Variants in UCHL5 observed in about 807,000 individuals in gnomAD.
UCHL5 encodes ubiquitin C-terminal hydrolase L5, also known as ubiquitin carboxyl-terminal hydrolase isozyme L5.
Under a neutral mutation model 53.8 loss-of-function variants are expected in UCHL5, and 34 were observed. The observed-to-expected ratio is 0.63, with a 90% confidence interval of 0.48 to 0.84. The LOEUF is 0.84. Ranked by LOEUF, UCHL5 falls within the 40% of genes least tolerant of loss-of-function variation. The pLI, the probability that UCHL5 is intolerant of heterozygous loss-of-function variation, is 0.00. For missense variants in UCHL5, 290 were observed against 385.6 expected (o/e 0.75, Z 2.08); for synonymous variants, 111 against 126.3 (o/e 0.88, Z 0.81).
In UCHL5 at chr1:193,028,102, T is replaced by C. The variant is rs1660017614; in HGVS notation, c.612A>G (p.Ile204Met). 4 of 1,608,236 alleles carry C rather than the reference T, an allele frequency of 2.5e-6. No homozygotes were observed. Among genetic ancestry groups the C allele is most frequent in the South Asian group, 1.1e-5 (1 of 89,308 alleles). Residue 204 changes from isoleucine (I) to methionine (M), a missense_variant, in exon 7 of 11, where the codon ATA becomes ATG. Coordinates refer to ENST00000367454, the MANE Select transcript of UCHL5 (RefSeq NM_001199261.3). ...GCATTTACTTTTGTATCCTTTTTTC[T>C]ATGACAGGCCTTACTGCACTGATCC... ...DDWISAVRPV[I>M]EKRIQKYSEG... is the part of the protein sequence containing the mutation.
At chr1:193,028,813 T>C (rs780120476) in intron 6 of UCHL5, among the ~76,000 whole-genome samples, 6 of 152,196 alleles carry the variant, frequency 3.9e-5, no homozygotes, top group Non-Finnish European at 8.8e-5. Flanking sequence ...GAAAATACTT[T>C]AATACGGATG....
At chr1:193,020,799 A>G (rs914989737) in intron 10 of UCHL5, among the ~76,000 whole-genome samples, 3 of 151,942 alleles carry the variant, frequency 2.0e-5, no homozygotes, top group Non-Finnish European at 2.9e-5. Context: ...AATTATCAGC[A>G]TTAAAAATCT....
chr1:193,031,089 C>T (rs1326197467), intron 3 of UCHL5, among the ~76,000 whole-genome samples: 3 of 152,000 alleles, frequency 2.0e-5, no homozygotes, highest in Non-Finnish European at 4.4e-5. Flanking sequence ...TATTTTGATC[C>T]GAATCACAGT....
intron 1 of UCHL5, among the ~76,000 whole-genome samples, chr1:193,053,081 C>G (rs1439894820): frequency 6.6e-6 from 1 of 152,148 alleles, no homozygotes; most frequent in Non-Finnish European, 1.5e-5. Context: ...ATTAAAGATA[C>G]ATGTACAAAG....
At chr1:193,026,613 C>T (rs1388759751) in intron 7 of UCHL5, among the ~76,000 whole-genome samples, 3 of 151,382 alleles carry the variant, frequency 2.0e-5, no homozygotes, top group African/African-American at 7.3e-5. Flanking sequence ...AAAAAGGATG[C>T]AGAGGAACTA....
chr1:193,013,828 A>G lies in UCHL5; in HGVS notation c.*2523T>C, dbSNP rs995001894. ...GGGGGAGCAAGTCCCCGTGGTTGTGATTCCCGAGCAAATATTTGTCTGTTT... is the reference window on the plus strand; with the variant it reads ...GGGGGAGCAAGTCCCCGTGGTTGTGGTTCCCGAGCAAATATTTGTCTGTTT... On this transcript the variant is annotated 3_prime_UTR_variant, in exon 11 of 11. Coordinates refer to ENST00000367454, the MANE Select transcript of UCHL5 (RefSeq NM_001199261.3). The G allele has an allele frequency of 2.6e-5, 4 of 152,144 alleles. No homozygotes were observed. Among genetic ancestry groups the G allele is most frequent in the Admixed American group, 2.6e-4 (4 of 15,266 alleles). 9.4% of individuals were successfully genotyped at this position (152,144 alleles called of 1,614,324 possible). A position where few individuals can be genotyped will look rare whatever the true frequency, so the allele number is the denominator to read the frequency against.
In UCHL5 at chr1:193,024,148, G is replaced by A. The variant is rs149924193; in HGVS notation, c.630-202C>T. ...CCAGCTACTTGGGAGGCTCAGGAGC[G>A]GAGAGGATCCTTTGAGTTTAGAAGC... is the stretch of plus-strand genomic sequence containing the variant. On this transcript the variant is annotated intron_variant, in intron 7 of 10. Coordinates refer to ENST00000367454, the MANE Select transcript of UCHL5 (RefSeq NM_001199261.3). Among the ~76,000 whole-genome samples, 48 of 151,988 alleles carry A rather than the reference G, an allele frequency of 3.2e-4. 1 individual carries two copies. The East Asian group carries it at 8.1e-3, about 26-fold the overall frequency.
intron 10 of UCHL5, among the ~76,000 whole-genome samples, 161 bp from the exon 11 acceptor site, chr1:193,016,556 A>C (rs918706836): frequency 6.6e-6 from 1 of 152,000 alleles, no homozygotes; most frequent in East Asian, 1.9e-4. Context: ...ACTTATAACA[A>C]ACTTTTCCTG....
rs1218681454 is a variant in UCHL5, at chr1:193,028,095, T to G, written c.619A>C (p.Arg207=). The G allele has an allele frequency of 6.2e-7, 1 of 1,604,630 alleles. No homozygotes were observed. Among genetic ancestry groups the G allele is most frequent in the South Asian group, 1.1e-5 (1 of 88,502 alleles). Residue 207 remains arginine (R), a synonymous_variant, in exon 7 of 11, where the codon AGG becomes CGG. Coordinates refer to ENST00000367454, the MANE Select transcript of UCHL5 (RefSeq NM_001199261.3). ...ISAVRPVIEK[R]IQKYSEGEIR... ...TAGCTGAGCATTTACTTTTGTATCCTTTTTTCTATGACAGGCCTTACTGCA... is the reference window on the plus strand; with the variant it reads ...TAGCTGAGCATTTACTTTTGTATCCGTTTTTCTATGACAGGCCTTACTGCA...
At chr1:193,021,075 T>C in intron 10 of UCHL5, 22 bp downstream of exon 10, 2 of 1,499,388 alleles carry the variant, frequency 1.3e-6, no homozygotes, top group Non-Finnish European at 9.2e-7. Flanking sequence ...TTAATTTAAG[T>C]ATCTACCAAT....
At chr1:193,028,186 A>G (rs749090356) in intron 6 of UCHL5, 38 bp from the exon 7 acceptor site, 2 of 1,516,248 alleles carry the variant, frequency 1.3e-6, no homozygotes, top group Non-Finnish European at 8.8e-7. Flanking sequence ...ACAAATAAAA[A>G]TAAGAACAAT....
rs111593254 is a variant in UCHL5 at position 193,041,325 on chromosome 1, T to G, written c.246+8421A>C. Among the ~76,000 whole-genome samples the G allele has an allele frequency of 2.6e-5, 4 of 152,114 alleles. 1 individual carries two copies. Among genetic ancestry groups the G allele is most frequent in the African/African-American group, 9.6e-5 (4 of 41,504 alleles). On this transcript the variant is annotated intron_variant, in intron 3 of 10. Transcript: ENST00000367454. ...TAATTAACCCCATTGAAAAATAACA[T>G]AAACAAGAATTTCACAGAGGAAATA...
At chr1:193,059,613 C>T (rs752204405), upstream of UCHL5, 1 of 1,430,814 alleles carries the variant, frequency 7.0e-7, no homozygotes, top group Non-Finnish European at 9.4e-7. The surrounding 1 kb of genome is among the most constrained non-coding windows in gnomAD (Gnocchi z 4.9). Flanking sequence ...AGGGGCAGGA[C>T]TCGTTCCCGG....
chr1:193,041,443 C>T, intron 3 of UCHL5, among the ~76,000 whole-genome samples: 1 of 152,076 alleles, frequency 6.6e-6, no homozygotes, highest in East Asian at 1.9e-4. Flanking sequence ...ATTTTGGAAC[C>T]AATTAGCTGA....
chr1:193,030,953 C>T (rs1396555824), intron 3 of UCHL5, among the ~76,000 whole-genome samples: 2 of 152,114 alleles, frequency 1.3e-5, no homozygotes, highest in African/African-American at 4.8e-5. Context: ...TATAACATCA[C>T]CATGCTTCTA....
Position 193,013,447 on chromosome 1 carries a change from T to C in UCHL5, c.*2904A>G, listed in dbSNP as rs767850167. 1.3e-5 allele frequency: 2 copies of C among 152,150 alleles called. No individual in the cohort carries two copies. Among genetic ancestry groups the C allele is most frequent in the Non-Finnish European group, 2.9e-5 (2 of 68,026 alleles). The allele number at this position is 152,150 out of a possible 1,614,324, so 9.4% of individuals were successfully genotyped here. A position where few individuals can be genotyped will look rare whatever the true frequency, so the allele number is the denominator to read the frequency against. On this transcript the variant is annotated 3_prime_UTR_variant, in exon 11 of 11. Transcript: ENST00000367454. ...AAGTTTAAAAATAATATAAACTTCA[T>C]AGAACTATTTCAGACTATGGGGAGG...
rs1365718961 is a variant in UCHL5, at chr1:193,051,739, T to A, written c.140+15A>T. The A allele has an allele frequency of 2.6e-6, 4 of 1,517,180 alleles. No homozygotes were observed. Among genetic ancestry groups the A allele is most frequent in the Non-Finnish European group, 3.6e-6 (4 of 1,107,564 alleles). 94.0% of individuals were successfully genotyped at this position (1,517,180 alleles called of 1,614,324 possible). ...ATATATATATACATATTAACACAAC[T>A]AAAATTATACTTACTTTAATTTTTC... On this transcript the variant is annotated intron_variant, in intron 2 of 10. Transcript: ENST00000367454.
At chr1:193,017,538 T>C (rs1002263660) in intron 10 of UCHL5, among the ~76,000 whole-genome samples, 2 of 151,634 alleles carry the variant, frequency 1.3e-5, no homozygotes, top group African/African-American at 4.8e-5. Context: ...TCGCATCTCA[T>C]ACAAAGTTTT....
At chr1:193,022,026 T>C (rs889026260) in intron 9 of UCHL5, among the ~76,000 whole-genome samples, 5 of 152,150 alleles carry the variant, frequency 3.3e-5, no homozygotes, top group African/African-American at 1.2e-4. Context: ...TAAGTATATA[T>C]AAAGATGGGT....
Sources: gnomAD v4.1 joint callset for allele counts (sites outside exome capture counted in the v4.1 genomes callset) on GRCh38, gnomAD v4.1.1 for gene constraint, Gnocchi (gnomAD v3.1) non-coding constraint, MANE v1.5 for transcripts, NCBI Gene and HGNC (gene_info 2026-07-23, HGNC 2026-07-21) for gene names.